The following SCHIP1 variants were observed in gnomAD, a reference collection of about 807,000 sequenced individuals.
The protein encoded by SCHIP1 is schwannomin-interacting protein 1.
SCHIP1 carries 8 observed loss-of-function variants against 29.7 expected under a neutral mutation model. The observed-to-expected ratio is 0.27, with a 90% CI of 0.16 to 0.49. SCHIP1 has a LOEUF of 0.49. SCHIP1 is among the 20% of genes least tolerant of loss of function. SCHIP1 has a pLI of 0.99. For synonymous variants in SCHIP1, 76 were observed against 94.9 expected (o/e 0.80, Z 1.16); for missense variants, 193 against 294.6 (o/e 0.66, Z 2.52).
At chr3:159,708,332 A>G in the SCHIP1 span, among the ~76,000 whole-genome samples, 1 of 152,218 alleles carries the variant, frequency 6.6e-6, no homozygotes, top group Non-Finnish European at 1.5e-5. Flanking sequence ...AGGCCAAGGA[A>G]GAGAGATGGT....
chr3:159,736,828 G>A, the SCHIP1 span, among the ~76,000 whole-genome samples: 2 of 151,482 alleles, frequency 1.3e-5, no homozygotes, highest in Non-Finnish European at 2.9e-5. Flanking sequence ...TCCGCCTCCC[G>A]GGTTCACGCC....
the SCHIP1 span, among the ~76,000 whole-genome samples, chr3:159,279,934 T>A: frequency 6.6e-6 from 1 of 152,128 alleles, no homozygotes; most frequent in East Asian, 1.9e-4. Context: ...CCCTCACTTT[T>A]CTGAGACACT....
the SCHIP1 span, among the ~76,000 whole-genome samples, chr3:159,590,048 C>T: frequency 1.3e-5 from 2 of 152,200 alleles, no homozygotes; most frequent in East Asian, 1.9e-4. Context: ...AGTTAGGAAT[C>T]CTGTGCTTTT....
the SCHIP1 span, among the ~76,000 whole-genome samples, chr3:159,453,586 A>G: frequency 6.6e-6 from 1 of 152,316 alleles, no homozygotes; most frequent in Non-Finnish European, 1.5e-5. Flanking sequence ...TGGACACTGT[A>G]ATTATGTCTG....
At chr3:159,431,924 G>A in the SCHIP1 span, among the ~76,000 whole-genome samples, 1 of 152,052 alleles carries the variant, frequency 6.6e-6, no homozygotes, top group African/African-American at 2.4e-5. Context: ...GATGTCATTA[G>A]TTTTAGGTCA....
chr3:159,765,299 GA>G, the SCHIP1 span: 1 of 828,348 alleles, frequency 1.2e-6, no homozygotes. Context: ...CTCCCCTGGG[GA>G]TAAGGTTGCT....
chr3:159,685,121 G>T, the SCHIP1 span, among the ~76,000 whole-genome samples: 19 of 151,982 alleles, frequency 1.3e-4, no homozygotes, highest in African/African-American at 4.6e-4. Flanking sequence ...CCTGCATTTG[G>T]CCCCAGAAAC....
the SCHIP1 span, among the ~76,000 whole-genome samples, chr3:159,585,728 T>C: frequency 6.6e-6 from 1 of 152,182 alleles, no homozygotes; most frequent in Non-Finnish European, 1.5e-5. Flanking sequence ...ATGAAAGAGA[T>C]AGAACTTGAA....
At chr3:159,759,942 T>C in the SCHIP1 span, among the ~76,000 whole-genome samples, 1 of 152,190 alleles carries the variant, frequency 6.6e-6, no homozygotes, top group African/African-American at 2.4e-5. Context: ...CAGATTAAAA[T>C]CCTATAAATA....
At chr3:159,454,186 T>G in the SCHIP1 span, among the ~76,000 whole-genome samples, 1 of 152,228 alleles carries the variant, frequency 6.6e-6, no homozygotes, top group Non-Finnish European at 1.5e-5. Context: ...AATGCCTGGG[T>G]ACTATCCCCC....
chr3:159,596,776 A>C, the SCHIP1 span, among the ~76,000 whole-genome samples: 1 of 151,734 alleles, frequency 6.6e-6, no homozygotes, highest in African/African-American at 2.4e-5. Flanking sequence ...AGGATGGGGA[A>C]CATCACACAC....
chr3:159,734,482 G>A, the SCHIP1 span, among the ~76,000 whole-genome samples: 5 of 151,288 alleles, frequency 3.3e-5, no homozygotes, highest in Admixed American at 2.6e-4. Flanking sequence ...TATTTCCAAC[G>A]AAAAAAAAGA....
the SCHIP1 span, among the ~76,000 whole-genome samples, chr3:159,825,406 G>A: frequency 6.6e-6 from 1 of 152,134 alleles, no homozygotes; most frequent in Non-Finnish European, 1.5e-5. Flanking sequence ...AGTGAGGAGG[G>A]AAGTGTAGCC....
the SCHIP1 span, among the ~76,000 whole-genome samples, chr3:159,431,124 GA>G: frequency 1.3e-5 from 2 of 150,806 alleles, no homozygotes; most frequent in Non-Finnish European, 3.0e-5. Context: ...ATTCAGCGAG[GA>G]AAAAAACAAC....
At chr3:159,796,582 T>G in the SCHIP1 span, among the ~76,000 whole-genome samples, 1 of 152,130 alleles carries the variant, frequency 6.6e-6, no homozygotes, top group Non-Finnish European at 1.5e-5. Context: ...GCCATCTGCT[T>G]AGCTACAGCC....
chr3:159,755,672 C>T, the SCHIP1 span, among the ~76,000 whole-genome samples: 2 of 152,208 alleles, frequency 1.3e-5, no homozygotes, highest in Non-Finnish European at 2.9e-5. Context: ...AGTCCACAGT[C>T]CAAGTCTCAT....
chr3:159,681,923 A>G, the SCHIP1 span, among the ~76,000 whole-genome samples: 186 of 83,224 alleles, frequency 2.2e-3, 2 homozygotes, highest in African/African-American at 0.024. Flanking sequence ...ACTTAGGTTA[A>G]CTTGGGTTAA....
chr3:159,843,087 G>A (rs966795558), intron 1 of SCHIP1, among the ~76,000 whole-genome samples: 30 of 135,370 alleles, frequency 2.2e-4, no homozygotes, highest in African/African-American at 5.9e-4. Flanking sequence ...TCTCAGTGGC[G>A]CAATCAAACT....
chr3:159,734,568 C>T, the SCHIP1 span, among the ~76,000 whole-genome samples: 1 of 152,164 alleles, frequency 6.6e-6, no homozygotes, highest in South Asian at 2.1e-4. Context: ...TTCACACAAG[C>T]CACTTACTTT....
Sources: gnomAD v4.1 joint callset for allele counts (sites outside exome capture counted in the v4.1 genomes callset) on GRCh38, gnomAD v4.1.1 for gene constraint, MANE v1.5 for transcripts, NCBI Gene and HGNC (gene_info 2026-07-23, HGNC 2026-07-21) for gene names.